ENTREP2: variants seen among roughly 807,000 people sequenced by gnomAD.
ENTREP2 encodes the protein endosomal transmembrane epsin interactor 2, also known as protein ENTREP2.
the ENTREP2 span, among the ~76,000 whole-genome samples, chr15:29,438,713 T>C: frequency 6.6e-6 from 1 of 152,308 alleles, no homozygotes; most frequent in Admixed American, 6.5e-5. Context: ...AGGCTGTCTC[T>C]CCCAATCTTC....
chr15:29,558,183 G>C, the ENTREP2 span, among the ~76,000 whole-genome samples: 58 of 152,198 alleles, frequency 3.8e-4, no homozygotes, highest in African/African-American at 1.3e-3. Context: ...TGGAAACAAG[G>C]GAAAAAGGAG....
At chr15:29,160,318 G>A in the ENTREP2 span, among the ~76,000 whole-genome samples, 1 of 152,114 alleles carries the variant, frequency 6.6e-6, no homozygotes, top group African/African-American at 2.4e-5. Flanking sequence ...CCCAGAAAGG[G>A]GCTCCCACAG....
chr15:29,223,512 C>T, the ENTREP2 span, among the ~76,000 whole-genome samples: 2 of 152,208 alleles, frequency 1.3e-5, no homozygotes, highest in East Asian at 3.8e-4. Flanking sequence ...GACACAGACA[C>T]ACATACATGG....
chr15:29,369,116 T>A, the ENTREP2 span, among the ~76,000 whole-genome samples: 2 of 151,934 alleles, frequency 1.3e-5, no homozygotes, highest in Non-Finnish European at 2.9e-5. Context: ...GTGCATGCAA[T>A]GGAGTATATC....
the ENTREP2 span, among the ~76,000 whole-genome samples, chr15:29,359,623 G>A: frequency 2.0e-5 from 3 of 152,194 alleles, no homozygotes; most frequent in Non-Finnish European, 1.5e-5. Flanking sequence ...CTGTTGGCCA[G>A]GATGGTCTTG....
the ENTREP2 span, among the ~76,000 whole-genome samples, chr15:29,566,985 A>C: frequency 6.6e-6 from 1 of 152,138 alleles, no homozygotes; most frequent in African/African-American, 2.4e-5. Context: ...TAAAATCTCC[A>C]AGAAAAATAA....
chr15:29,529,676 G>A, the ENTREP2 span, among the ~76,000 whole-genome samples: 1 of 152,062 alleles, frequency 6.6e-6, no homozygotes, highest in Non-Finnish European at 1.5e-5. Context: ...CAAATATACA[G>A]AATAAAAGGG....
At chr15:29,428,062 A>C in the ENTREP2 span, among the ~76,000 whole-genome samples, 1 of 152,178 alleles carries the variant, frequency 6.6e-6, no homozygotes. Flanking sequence ...ACCTACCCAG[A>C]ATTCATTTTT....
the ENTREP2 span, among the ~76,000 whole-genome samples, chr15:29,429,423 G>A: frequency 1.4e-3 from 212 of 152,262 alleles, 1 homozygote; most frequent in Non-Finnish European, 2.4e-3. Flanking sequence ...GACTCACTAC[G>A]TTCCCAGGGC....
At chr15:29,444,179 A>C in the ENTREP2 span, among the ~76,000 whole-genome samples, 1 of 46,136 alleles carries the variant, frequency 2.2e-5, no homozygotes, top group Non-Finnish European at 4.4e-5. Flanking sequence ...ACAAAGAAAG[A>C]AAGAAAGAAA....
chr15:29,126,496 A>G, the ENTREP2 span: 258 of 1,549,636 alleles, frequency 1.7e-4, no homozygotes, highest in Non-Finnish European at 2.2e-4. Context: ...CTGGTACTGC[A>G]AGAGAAGGGA....
the ENTREP2 span, among the ~76,000 whole-genome samples, chr15:29,595,665 T>C: frequency 7.2e-5 from 11 of 152,188 alleles, no homozygotes; most frequent in African/African-American, 1.2e-4. Context: ...GTTTGTCTCT[T>C]CTTCACTGTG....
chr15:29,469,022 T>C, the ENTREP2 span, among the ~76,000 whole-genome samples: 77,192 of 151,452 alleles, frequency 0.51, 20,830 homozygotes, highest in African/African-American at 0.71. Flanking sequence ...GGCTCCGGCT[T>C]AGGATAAGGC....
the ENTREP2 span, among the ~76,000 whole-genome samples, chr15:29,480,766 G>C: frequency 2.0e-5 from 3 of 152,098 alleles, no homozygotes; most frequent in African/African-American, 7.2e-5. Context: ...CCCATTTCCC[G>C]GGCAACTCTG....
At chr15:29,580,478 A>G in the ENTREP2 span, among the ~76,000 whole-genome samples, 1 of 152,236 alleles carries the variant, frequency 6.6e-6, no homozygotes, top group Non-Finnish European at 1.5e-5. Context: ...CAGTACTTCT[A>G]TTTGAACATA....
the ENTREP2 span, among the ~76,000 whole-genome samples, chr15:29,180,636 C>T: frequency 6.6e-6 from 1 of 151,958 alleles, no homozygotes. Context: ...TGCATTCCAG[C>T]CTGGGTGACA....
the ENTREP2 span, among the ~76,000 whole-genome samples, chr15:29,476,897 C>A: frequency 6.6e-6 from 1 of 152,194 alleles, no homozygotes. Context: ...CACTCCGTGC[C>A]CCAGCAATTC....
At chr15:29,198,624 A>G in the ENTREP2 span, among the ~76,000 whole-genome samples, 3 of 152,240 alleles carry the variant, frequency 2.0e-5, no homozygotes, top group South Asian at 6.2e-4. Context: ...AAAGTGCACA[A>G]AGCAAACATA....
At chr15:29,179,778 G>A in the ENTREP2 span, among the ~76,000 whole-genome samples, 13 of 151,876 alleles carry the variant, frequency 8.6e-5, no homozygotes, top group Middle Eastern at 3.2e-3. Context: ...GTACAGACGG[G>A]GTTTCACCGT....
Sources: allele counts gnomAD v4.1 joint callset (sites outside exome capture counted in the v4.1 genomes callset), GRCh38; gene constraint gnomAD v4.1.1; transcripts MANE v1.5; gene names NCBI Gene and HGNC (gene_info 2026-07-23, HGNC 2026-07-21).